The following SLC25A48 variants were observed in gnomAD, a reference collection of about 807,000 sequenced individuals.
SLC25A48 encodes the protein solute carrier family 25 member 48, also known as CTC-321K16.1.
SLC25A48 carries 29 observed loss-of-function variants against 32.2 expected under a neutral mutation model. That is an observed-to-expected ratio of 0.90 (90% CI 0.67 to 1.23). SLC25A48 has a LOEUF of 1.23. SLC25A48 is among the 50% of genes most tolerant of loss of function. The probability of loss-of-function intolerance (pLI) is 0.00; values close to 1 mark genes in which losing one functional copy is unlikely to be tolerated. For missense variants in SLC25A48, 399 were observed against 422.7 expected (o/e 0.94, Z 0.49); for synonymous variants, 164 against 172.3 (o/e 0.95, Z 0.38).
chr5:135,815,623 A>C (rs1342303447), intron 4 of SLC25A48, among the ~76,000 whole-genome samples: 1 of 152,198 alleles, frequency 6.6e-6, no homozygotes, highest in Non-Finnish European at 1.5e-5. Flanking sequence ...GAAGAAAGCA[A>C]GTTGCAGTGA....
intron 3 of SLC25A48, among the ~76,000 whole-genome samples, chr5:135,811,071 G>C (rs1351255562): frequency 6.6e-6 from 1 of 152,134 alleles, no homozygotes; most frequent in Non-Finnish European, 1.5e-5. Context: ...AGCTACAGGG[G>C]CTTCTGTAGG....
At chr5:135,752,739 T>C (rs965364604) in intron 3 of SLC25A48, among the ~76,000 whole-genome samples, 2 of 151,934 alleles carry the variant, frequency 1.3e-5, no homozygotes, top group Non-Finnish European at 2.9e-5. Flanking sequence ...AATATCACAG[T>C]GATGTTAGGA....
At chr5:135,642,021 A>G (rs1393560445) in intron 3 of SLC25A48, among the ~76,000 whole-genome samples, 1 of 152,166 alleles carries the variant, frequency 6.6e-6, no homozygotes, top group African/African-American at 2.4e-5. Context: ...CTTTTCTAAG[A>G]TCTTATCTCT....
Position 135,874,007 on chromosome 5 carries a change from C to T in SLC25A48, c.680-14C>T, listed in dbSNP as rs984415715. The stretch of plus-strand genomic sequence containing the variant: ...AGGAGCTAGCCCCTGACACCTGTTT[C>T]TTTCTCTTTGCAGGAGCAATTTCTT... On this transcript the variant is annotated splice_polypyrimidine_tract_variant and intron_variant, in intron 5 of 7. Coordinates refer to ENST00000681962, the MANE Select transcript of SLC25A48 (RefSeq NM_001349336.2). 2 of 1,529,702 alleles carry T rather than the reference C, an allele frequency of 1.3e-6. No individual in the cohort carries two copies. The highest frequency in any genetic ancestry group is 1.7e-6 in the Non-Finnish European group (2 of 1,144,712). 94.8% of individuals were successfully genotyped at this position (1,529,702 alleles called of 1,614,324 possible).
At position 135,732,672 on chromosome 5, in the gene SLC25A48, G is replaced by A. The variant is rs1474454216; in HGVS notation, c.-520-79851G>A. On this transcript the variant is annotated intron_variant, in intron 3 of 10. Transcript: ENST00000646290. ...AGCAGCTTGTAACCTACATGGAAGA[G>A]GTTATGAAATGATGACAGAATAGAA... Among the ~76,000 whole-genome samples the A allele has an allele frequency of 2.0e-5, 3 of 152,188 alleles. No individual in the cohort carries two copies. The East Asian group carries it at 5.8e-4, about 29-fold the overall frequency.
At chr5:135,880,915 G>A (rs1581067055) in intron 7 of SLC25A48, among the ~76,000 whole-genome samples, 1 of 152,094 alleles carries the variant, frequency 6.6e-6, no homozygotes, top group Non-Finnish European at 1.5e-5. Context: ...GCTAGGGTGA[G>A]TCGCGCCTTC....
At position 135,839,191 on chromosome 5, in the gene SLC25A48, G is replaced by A. The variant is rs181156774; in HGVS notation, c.47-3225G>A. On this transcript the variant is annotated intron_variant, in intron 1 of 7. Coordinates refer to ENST00000681962, the MANE Select transcript of SLC25A48 (RefSeq NM_001349336.2). ...GGCATGCAGATGAGCTATGTTGATA[G>A]CATTTGCTAACTCCTGGGAGACACT... is the stretch of plus-strand genomic sequence containing the variant. Among the ~76,000 whole-genome samples the A allele has an allele frequency of 2.0e-3, 308 of 152,312 alleles. 1 individual carries two copies. The highest frequency in any genetic ancestry group is 6.9e-3 in the African/African-American group (287 of 41,566).
intron 3 of SLC25A48, among the ~76,000 whole-genome samples, chr5:135,722,946 C>T (rs1247071366): frequency 6.6e-6 from 1 of 152,348 alleles, no homozygotes; most frequent in Middle Eastern, 3.4e-3. Context: ...TGCTGGCTGC[C>T]CATGAGGGGG....
intron 3 of SLC25A48, among the ~76,000 whole-genome samples, chr5:135,800,672 A>G (rs2126642030): frequency 6.6e-6 from 1 of 151,838 alleles, no homozygotes; most frequent in East Asian, 1.9e-4. Context: ...TATCGTAAAC[A>G]CCTTGAGTGT....
At chr5:135,645,980 C>T (rs114033675) in intron 3 of SLC25A48, among the ~76,000 whole-genome samples, 1,838 of 152,160 alleles carry the variant, frequency 0.012, 49 homozygotes, top group African/African-American at 0.042. Flanking sequence ...AAGATGGCCA[C>T]AGGAATTCAT....
chr5:135,763,853 A>G lies in SLC25A48; in HGVS notation c.-520-48670A>G, dbSNP rs181923420. Among the ~76,000 whole-genome samples, 615 of 152,038 alleles carry G rather than the reference A, an allele frequency of 4.0e-3. 3 individuals carry two copies. Among genetic ancestry groups the G allele is most frequent in the African/African-American group, 0.014 (565 of 41,488 alleles). Reference sequence around the variant, plus strand: ...TGCTTACAATTCAGCATCCGTCTCAATTTGTGTCACTCAATTCTATTTACT... The same window carrying G: ...TGCTTACAATTCAGCATCCGTCTCAGTTTGTGTCACTCAATTCTATTTACT... On this transcript the variant is annotated intron_variant, in intron 3 of 10. Transcript: ENST00000646290.
At chr5:135,868,597 C>G (rs1761391209) in intron 4 of SLC25A48, among the ~76,000 whole-genome samples, 1 of 151,900 alleles carries the variant, frequency 6.6e-6, no homozygotes, top group Non-Finnish European at 1.5e-5. Context: ...AAGTATGTAA[C>G]TCACCCAGAA....
intron 3 of SLC25A48, among the ~76,000 whole-genome samples, chr5:135,743,468 C>T: frequency 6.6e-6 from 1 of 152,028 alleles, no homozygotes; most frequent in African/African-American, 2.4e-5. Context: ...AGAGGACAGC[C>T]CCCCACAACA....
chr5:135,807,149 G>A (rs996213193), intron 3 of SLC25A48, among the ~76,000 whole-genome samples: 1 of 150,338 alleles, frequency 6.7e-6, no homozygotes, highest in Non-Finnish European at 1.5e-5. Context: ...GAATATCATA[G>A]TGTGTTTACA....
chr5:135,604,198 C>G (rs1373877151), intron 1 of SLC25A48, among the ~76,000 whole-genome samples: 1 of 152,180 alleles, frequency 6.6e-6, no homozygotes, highest in African/African-American at 2.4e-5. Context: ...AGAATCTGTT[C>G]TTTCCATCCT....
intron 3 of SLC25A48, among the ~76,000 whole-genome samples, chr5:135,772,784 A>G (rs1251702698): frequency 6.6e-6 from 1 of 151,524 alleles, no homozygotes; most frequent in Non-Finnish European, 1.5e-5. Flanking sequence ...AGAAGATAAT[A>G]TTACTCCCAA....
rs1171844682 is a variant in SLC25A48 at position 135,741,196 on chromosome 5, G to A, written c.-520-71327G>A. Among the ~76,000 whole-genome samples the A allele has an allele frequency of 7.9e-5, 12 of 152,144 alleles. No individual in the cohort carries two copies. In the East Asian group the frequency reaches 2.3e-3, roughly 29 times the overall value. On this transcript the variant is annotated intron_variant, in intron 3 of 10. Coordinates refer to the SLC25A48 transcript ENST00000646290. Reference sequence around the variant, plus strand: ...AGTGGTGTGGATGGAGCTGGGACCTGAGTTTGGGGTGTCTGACTCCAAAGT... The same window carrying A: ...AGTGGTGTGGATGGAGCTGGGACCTAAGTTTGGGGTGTCTGACTCCAAAGT...
chr5:135,608,895 G>A (rs751976799), intron 1 of SLC25A48, among the ~76,000 whole-genome samples: 1 of 152,224 alleles, frequency 6.6e-6, no homozygotes, highest in Non-Finnish European at 1.5e-5. Context: ...CCTGGGACAT[G>A]ACTTTAGATC....
intron 3 of SLC25A48, among the ~76,000 whole-genome samples, chr5:135,714,406 G>A (rs985250486): frequency 6.6e-6 from 1 of 152,192 alleles, no homozygotes; most frequent in Non-Finnish European, 1.5e-5. Flanking sequence ...TCTCTGCCCT[G>A]TTCCACAGTC....
Sources: gnomAD v4.1 joint callset for allele counts (sites outside exome capture counted in the v4.1 genomes callset) on GRCh38, gnomAD v4.1.1 for gene constraint, MANE v1.5 for transcripts, NCBI Gene and HGNC (gene_info 2026-07-23, HGNC 2026-07-21) for gene names.